The following GRAMD1B variants were observed in gnomAD, a reference collection of about 807,000 sequenced individuals.
GRAMD1B encodes GRAM domain containing 1B.
A neutral mutation model predicts 99.7 loss-of-function variants in GRAMD1B; 37 were observed. That is an observed-to-expected ratio of 0.37 (90% CI 0.29 to 0.49). The LOEUF is 0.49. GRAMD1B is among the 20% of genes least tolerant of loss of function. GRAMD1B has a pLI of 0.98. For synonymous variants in GRAMD1B, 427 were observed against 387.6 expected (o/e 1.10, Z -1.19); for missense variants, 888 against 1,009.2 (o/e 0.88, Z 1.63).
chr11:123,359,132 G>T (rs1946053361), intron 1 of GRAMD1B, among the ~76,000 whole-genome samples: 1 of 152,184 alleles, frequency 6.6e-6, no homozygotes, highest in Middle Eastern at 3.4e-3. Context: ...GCACAGAACA[G>T]GTAGAGAGGA....
At chr11:123,447,477 C>T (rs192482856) in intron 1 of GRAMD1B, among the ~76,000 whole-genome samples, 4 of 152,312 alleles carry the variant, frequency 2.6e-5, no homozygotes, top group East Asian at 1.9e-4. Flanking sequence ...GACGCTCAGG[C>T]TGGGCCCCTC....
At chr11:123,413,884 G>A (rs1199901746) in intron 1 of GRAMD1B, among the ~76,000 whole-genome samples, 1 of 152,154 alleles carries the variant, frequency 6.6e-6, no homozygotes, top group African/African-American at 2.4e-5. Context: ...TGTATCTGCA[G>A]AACCAAGTCA....
intron 2 of GRAMD1B, among the ~76,000 whole-genome samples, chr11:123,490,737 G>C (rs1565295473): frequency 1.3e-5 from 2 of 152,150 alleles, no homozygotes; most frequent in African/African-American, 4.8e-5. Flanking sequence ...TCAGCTAGGG[G>C]GTGCCATCTA....
Position 123,600,553 on chromosome 11 carries a change from G to C in GRAMD1B, c.1050+5G>C. 1 of 1,599,244 alleles carries C rather than the reference G, an allele frequency of 6.3e-7. No homozygotes were observed. The highest frequency in any genetic ancestry group is 8.6e-7 in the Non-Finnish European group (1 of 1,166,988). On this transcript the variant is annotated splice_donor_5th_base_variant and intron_variant, in intron 8 of 19. Transcript: ENST00000635736. ...CAGAATGCTCTCCTTGAAAAGGTAA[G>C]TACGGCCGAGTTTGCTTTTACTGTG... is the stretch of plus-strand genomic sequence containing the variant.
chr11:123,610,093 C>A lies in GRAMD1B; in HGVS notation c.1777-103C>A. ...TTCCAGTGATCCTGGTTCTCCTGTT[C>A]AGAAGCCGTGGGGTGGGGTGGGCTT... On this transcript the variant is annotated intron_variant, in intron 13 of 19. Transcript: ENST00000635736. This position sits in a 1 kb window ranked among gnomAD's most constrained non-coding sequence, Gnocchi z 4.1. The A allele has an allele frequency of 9.4e-7, 1 of 1,063,818 alleles. No homozygotes were observed. Among genetic ancestry groups the A allele is most frequent in the Non-Finnish European group, 1.4e-6 (1 of 711,208 alleles). The allele number at this position is 1,063,818 out of a possible 1,614,324, so 65.9% of individuals were successfully genotyped here. A position where few individuals can be genotyped will look rare whatever the true frequency, so the allele number is the denominator to read the frequency against.
intron 2 of GRAMD1B, among the ~76,000 whole-genome samples, chr11:123,536,947 A>G (rs944344888): frequency 6.6e-6 from 1 of 152,228 alleles, no homozygotes; most frequent in Non-Finnish European, 1.5e-5. Flanking sequence ...GGGCAGGATT[A>G]GAGCAGTAGA....
At chr11:123,512,836 C>G (rs1232775337) in intron 2 of GRAMD1B, among the ~76,000 whole-genome samples, 1 of 151,756 alleles carries the variant, frequency 6.6e-6, no homozygotes, top group Non-Finnish European at 1.5e-5. Flanking sequence ...CACGAGCCCC[C>G]TTCATTGGTA....
At chr11:123,466,456 GAAAGAAAGAAAGA>G (rs1231768108) in intron 1 of GRAMD1B, among the ~76,000 whole-genome samples, 19 of 146,016 alleles carry the variant, frequency 1.3e-4, no homozygotes, top group African/African-American at 5.0e-4. Flanking sequence ...GAAAGAGAAA[GAAAGAAAGAAAGA>G]AAAGAAAGAA....
chr11:123,527,039 C>T (rs1379841473), intron 2 of GRAMD1B, among the ~76,000 whole-genome samples: 1 of 152,168 alleles, frequency 6.6e-6, no homozygotes, highest in East Asian at 1.9e-4. Context: ...CTGAGGCCTC[C>T]TTCAGAGGAG....
chr11:123,363,951 A>G (rs1565449861), intron 1 of GRAMD1B, among the ~76,000 whole-genome samples: 1 of 152,202 alleles, frequency 6.6e-6, no homozygotes, highest in Non-Finnish European at 1.5e-5. Flanking sequence ...GGAAAACAAA[A>G]ACAAAAACCA....
chr11:123,527,989 G>T (rs886450644), intron 2 of GRAMD1B, among the ~76,000 whole-genome samples: 1 of 152,194 alleles, frequency 6.6e-6, no homozygotes, highest in Admixed American at 6.5e-5. Flanking sequence ...GTCTTCTTCA[G>T]AAATTTTACA....
At chr11:123,506,403 T>G (rs1328848964) in intron 2 of GRAMD1B, among the ~76,000 whole-genome samples, 2 of 152,078 alleles carry the variant, frequency 1.3e-5, no homozygotes, top group Non-Finnish European at 2.9e-5. Context: ...TTTTGTTTTT[T>G]TTTTTCTGTC....
At chr11:123,622,394 C>A (rs2137175007) in intron 19 of GRAMD1B, 112 bp from the exon 20 acceptor site, 1 of 676,848 alleles carries the variant, frequency 1.5e-6, no homozygotes, top group Admixed American at 2.1e-5. Flanking sequence ...CTTTTCAGCC[C>A]CATGGCGTGG....
chr11:123,592,461 A>G (rs1592173484), intron 4 of GRAMD1B, among the ~76,000 whole-genome samples: 1 of 152,226 alleles, frequency 6.6e-6, no homozygotes, highest in East Asian at 1.9e-4. Context: ...GCAGTGCCAC[A>G]TGCACATGGC....
At position 123,613,614 on chromosome 11, in the gene GRAMD1B, C is replaced by A. The variant is rs757313912; in HGVS notation, c.2183C>A (p.Thr728Lys). ...HLEEVMSPVT[T>K]PTDEDVGHRI... Reference sequence around the variant, plus strand: ...GAAGAGGTGATGAGCCCGGTCACCACGCCCACAGATGAGGATGTGGGCCAC... The same window carrying A: ...GAAGAGGTGATGAGCCCGGTCACCAAGCCCACAGATGAGGATGTGGGCCAC... The change falls in exon 16 of 20, where the codon ACG (threonine) becomes AAG (lysine). Residue 728 changes from threonine to lysine, a missense_variant. This residue lies in a region of GRAMD1B where 232 missense variants were observed against 261.7 expected (regional missense o/e 0.89). Coordinates refer to ENST00000635736, the MANE Select transcript of GRAMD1B (RefSeq NM_001387025.1). 3.1e-6 allele frequency: 5 copies of A among 1,613,894 alleles called. No homozygotes were observed. The highest frequency in any genetic ancestry group is 4.2e-6 in the Non-Finnish European group (5 of 1,179,862).
At position 123,612,821 on chromosome 11, in the gene GRAMD1B, G is replaced by A. The variant is rs768962354; in HGVS notation, c.1980G>A (p.Glu660=). ...GGGGGTTAGTGAAAACGTTCATCGA[G>A]AAGAACTTCTGGAGTGGGCTGGAGG... The part of the protein sequence containing the change: ...QPWGLVKTFI[E]KNFWSGLEDY... Residue 660 remains glutamate, a synonymous_variant, in exon 15 of 20, where the codon GAG becomes GAA. Transcript: ENST00000635736. 8 of 1,612,450 alleles carry A rather than the reference G, an allele frequency of 5.0e-6. No individual in the cohort carries two copies. Among genetic ancestry groups the A allele is most frequent in the South Asian group, 2.2e-5 (2 of 90,794 alleles).
intron 1 of GRAMD1B, among the ~76,000 whole-genome samples, chr11:123,477,224 C>G (rs1261315769): frequency 1.3e-5 from 1 of 76,998 alleles, no homozygotes; most frequent in African/African-American, 5.2e-5. Flanking sequence ...CCTCCCCCTC[C>G]TCTCCCCCTC....
chr11:123,523,682 A>G (rs1034608771), intron 2 of GRAMD1B, among the ~76,000 whole-genome samples: 1 of 151,828 alleles, frequency 6.6e-6, no homozygotes, highest in African/African-American at 2.4e-5. Context: ...ATGAGAATAC[A>G]GTATTCACGT....
At chr11:123,414,890 C>G (rs893768283) in intron 1 of GRAMD1B, among the ~76,000 whole-genome samples, 1 of 152,134 alleles carries the variant, frequency 6.6e-6, no homozygotes. Context: ...CGCTCTAGAG[C>G]CTTGGGGTTT....
Sources: allele counts gnomAD v4.1 joint callset (sites outside exome capture counted in the v4.1 genomes callset), GRCh38; gene constraint gnomAD v4.1.1; regional missense constraint gnomAD v4.1.1; non-coding constraint Gnocchi (gnomAD v3.1); transcripts MANE v1.5; gene names NCBI Gene and HGNC (gene_info 2026-07-23, HGNC 2026-07-21).